The following CMTM8 variants were observed in gnomAD, a reference collection of about 807,000 sequenced individuals.
CMTM8 encodes CKLF like MARVEL transmembrane domain containing 8.
A neutral mutation model predicts 18.6 loss-of-function variants in CMTM8; 12 were observed. The observed-to-expected ratio is 0.65, with a 90% CI of 0.41 to 1.05. CMTM8 has a LOEUF of 1.05. Ranked by LOEUF, CMTM8 falls within the 50% of genes least tolerant of loss-of-function variation. CMTM8 has a pLI of 0.00. For synonymous variants in CMTM8, 87 were observed against 90.6 expected (o/e 0.96, Z 0.23); for missense variants, 217 against 227.2 (o/e 0.95, Z 0.29).
intron 1 of CMTM8, among the ~76,000 whole-genome samples, chr3:32,288,396 T>C (rs1702720164): frequency 1.3e-5 from 2 of 152,138 alleles, no homozygotes; most frequent in Non-Finnish European, 2.9e-5. Flanking sequence ...TCCTCCCACC[T>C]CAGCCTCCCA....
intron 1 of CMTM8, among the ~76,000 whole-genome samples, chr3:32,274,685 A>C (rs537548203): frequency 1.3e-5 from 2 of 152,284 alleles, no homozygotes; most frequent in South Asian, 2.1e-4. Context: ...TGTCCTAATA[A>C]TGTTCCTTAT....
intron 1 of CMTM8, among the ~76,000 whole-genome samples, chr3:32,347,135 G>A (rs1696612662): frequency 6.6e-6 from 1 of 152,098 alleles, no homozygotes; most frequent in African/African-American, 2.4e-5. Flanking sequence ...CAGCCTATTC[G>A]TTTATGATTT....
intron 1 of CMTM8, among the ~76,000 whole-genome samples, chr3:32,286,606 T>C (rs959916996): frequency 1.3e-5 from 2 of 152,170 alleles, no homozygotes; most frequent in African/African-American, 4.8e-5. Context: ...ATTGGCACCA[T>C]TTCCCATAGG....
At chr3:32,276,794 G>T (rs1351955999) in intron 1 of CMTM8, among the ~76,000 whole-genome samples, 1 of 152,082 alleles carries the variant, frequency 6.6e-6, no homozygotes, top group African/African-American at 2.4e-5. Context: ...AACTTGTTTG[G>T]TGAGGCTGCC....
At chr3:32,354,483 G>A (rs1696774584) in intron 1 of CMTM8, among the ~76,000 whole-genome samples, 1 of 152,160 alleles carries the variant, frequency 6.6e-6, no homozygotes, top group South Asian at 2.1e-4. Flanking sequence ...TTGTGTAAAA[G>A]ACGACCACAG....
chr3:32,325,654 T>C (rs901375739), intron 1 of CMTM8, among the ~76,000 whole-genome samples: 1 of 152,246 alleles, frequency 6.6e-6, no homozygotes, highest in African/African-American at 2.4e-5. Context: ...TTTTAAATTT[T>C]TGTGAGCTGT....
intron 1 of CMTM8, among the ~76,000 whole-genome samples, chr3:32,355,426 C>T (rs747796770): frequency 2.0e-5 from 3 of 152,204 alleles, no homozygotes; most frequent in Non-Finnish European, 2.9e-5. Context: ...CCTCCCCCAA[C>T]CCCATGTCTA....
chr3:32,365,459 T>C (rs1343864342), intron 2 of CMTM8, among the ~76,000 whole-genome samples: 2 of 152,120 alleles, frequency 1.3e-5, no homozygotes, highest in Admixed American at 1.3e-4. Context: ...TTTGTTTTTG[T>C]TTTTGAGATG....
At chr3:32,320,999 G>GGC (rs1426099335) in intron 1 of CMTM8, among the ~76,000 whole-genome samples, 2 of 152,010 alleles carry the variant, frequency 1.3e-5, no homozygotes, top group Non-Finnish European at 2.9e-5. Flanking sequence ...GTACTTCATA[G>GGC]GCAACAGTCG....
At chr3:32,266,364 T>G (rs1186571139) in intron 1 of CMTM8, among the ~76,000 whole-genome samples, 9 of 152,308 alleles carry the variant, frequency 5.9e-5, no homozygotes, top group African/African-American at 2.2e-4. Context: ...CACATGATTA[T>G]CTCAATAGAT....
chr3:32,279,336 A>T, intron 1 of CMTM8, among the ~76,000 whole-genome samples: 1 of 73,796 alleles, frequency 1.4e-5, no homozygotes, highest in Non-Finnish European at 2.4e-5. Context: ...CCCTCCCCCG[A>T]CCCCACCACC....
intron 1 of CMTM8, among the ~76,000 whole-genome samples, chr3:32,338,125 A>C (rs1331905908): frequency 6.6e-6 from 1 of 152,064 alleles, no homozygotes; most frequent in East Asian, 1.9e-4. Context: ...CTAGGACTAC[A>C]GGTGTGTGCC....
chr3:32,278,949 A>G (rs1458309060), intron 1 of CMTM8, among the ~76,000 whole-genome samples: 4 of 152,154 alleles, frequency 2.6e-5, no homozygotes, highest in African/African-American at 9.7e-5. Context: ...AACAAAAAGG[A>G]GGAGCACTTA....
At chr3:32,289,840 G>GA (rs1702748995) in intron 1 of CMTM8, among the ~76,000 whole-genome samples, 1 of 152,160 alleles carries the variant, frequency 6.6e-6, no homozygotes, top group Non-Finnish European at 1.5e-5. Flanking sequence ...AAGGATGGGG[G>GA]AAAAAGGAGG....
intron 1 of CMTM8, among the ~76,000 whole-genome samples, chr3:32,270,024 T>G (rs1702412796): frequency 6.6e-6 from 1 of 151,994 alleles, no homozygotes; most frequent in Non-Finnish European, 1.5e-5. Context: ...TCCTCCTGCC[T>G]CAGCCTCTCA....
intron 1 of CMTM8, among the ~76,000 whole-genome samples, chr3:32,337,992 TTTTTTA>T (rs1241302306): frequency 1.4e-5 from 2 of 145,202 alleles, no homozygotes; most frequent in African/African-American, 5.1e-5. Context: ...TTTTTTTTTT[TTTTTTA>T]AATTGAGATG....
intron 1 of CMTM8, among the ~76,000 whole-genome samples, chr3:32,318,269 G>C (rs1365682362): frequency 6.6e-6 from 1 of 151,984 alleles, no homozygotes; most frequent in African/African-American, 2.4e-5. Flanking sequence ...GTGATTCCAG[G>C]GACAAAGAGA....
At chr3:32,239,656 G>A (rs943917736) in intron 1 of CMTM8, among the ~76,000 whole-genome samples, 1 of 152,158 alleles carries the variant, frequency 6.6e-6, no homozygotes, top group Non-Finnish European at 1.5e-5. Flanking sequence ...ATGGTGCTGT[G>A]CACATCCTGG....
At chr3:32,249,852 T>C (rs765386843) in intron 1 of CMTM8, among the ~76,000 whole-genome samples, 8 of 152,254 alleles carry the variant, frequency 5.3e-5, no homozygotes, top group Non-Finnish European at 1.2e-4. Context: ...TTTTCTAGAC[T>C]ATGTCCTTAG....
Sources: allele counts gnomAD v4.1 joint callset (sites outside exome capture counted in the v4.1 genomes callset), GRCh38; gene constraint gnomAD v4.1.1; transcripts MANE v1.5; gene names NCBI Gene and HGNC (gene_info 2026-07-23, HGNC 2026-07-21).